Variants in DEPDC5 observed in about 807,000 individuals in gnomAD.
DEPDC5 encodes GATOR1 complex protein DEPDC5.
In DEPDC5, 73 loss-of-function variants were observed where a neutral mutation model predicts 217.3. The observed-to-expected ratio is 0.34, with a 90% CI of 0.28 to 0.41. DEPDC5 has a LOEUF of 0.41. DEPDC5 is among the 10% of genes least tolerant of loss of function. The pLI, the probability that DEPDC5 is intolerant of heterozygous loss-of-function variation, is 1.00. For missense variants in DEPDC5, 1,675 were observed against 2,070.1 expected, an observed-to-expected ratio of 0.81 and a Z score of 3.70; for synonymous variants, 733 against 756.7, an observed-to-expected ratio of 0.97 and a Z score of 0.51.
In DEPDC5 at chr22:31,864,501, A is replaced by AATAT. The variant is rs34148134; in HGVS notation, c.3330+3089_3330+3092dup. On this transcript the variant is annotated intron_variant, in intron 33 of 42. Transcript: ENST00000651528. ...CCTTCTGAACCTGTTTCTTCATTAA[A>AATAT]ATATATATATATATATATATATATT... 4.5e-3 allele frequency among the ~76,000 whole-genome samples: 550 copies of AATAT among 123,132 alleles called. 15 individuals are homozygous for AATAT. The highest frequency in any genetic ancestry group is 0.013 in the East Asian group (61 of 4,526). 80.8% of individuals were successfully genotyped at this position (123,132 alleles called of 152,430 possible).
chr22:31,870,583 C>T lies in DEPDC5; in HGVS notation c.3331-7C>T, dbSNP rs770831099. On this transcript the variant is annotated splice_polypyrimidine_tract_variant and splice_region_variant and intron_variant, in intron 33 of 42. Transcript: ENST00000651528. ...GAATCAAGTATTCATTTTTAAATCT[C>T]CTGCAGGTATCTGTGGACCAAACAG... 2.0e-6 allele frequency: 3 copies of T among 1,510,738 alleles called. No homozygotes were observed. Among genetic ancestry groups the T allele is most frequent in the African/African-American group, 2.8e-5 (2 of 70,634 alleles). The allele number at this position is 1,510,738 out of a possible 1,614,324, so 93.6% of individuals were successfully genotyped here. A position where few individuals can be genotyped will look rare whatever the true frequency, so the allele number is the denominator to read the frequency against.
rs1279857841 is a variant in DEPDC5, at chr22:31,850,484, T to C, written c.3155+3517T>C. ...ATAATCTATTACTGTGCCTAATTTATAAATGAAACTTTAGCATAAGTATGT... is the reference window on the plus strand; with the variant it reads ...ATAATCTATTACTGTGCCTAATTTACAAATGAAACTTTAGCATAAGTATGT... On this transcript the variant is annotated intron_variant, in intron 31 of 42. Transcript: ENST00000651528. Among the ~76,000 whole-genome samples, 3 of 152,338 alleles carry C rather than the reference T, an allele frequency of 2.0e-5. No individual in the cohort carries two copies. In the East Asian group the frequency reaches 5.8e-4, roughly 29 times the overall value.
chr22:31,840,324 G>A (rs1023895886), intron 27 of DEPDC5, among the ~76,000 whole-genome samples: 10 of 152,220 alleles, frequency 6.6e-5, no homozygotes, highest in Non-Finnish European at 1.3e-4. Context: ...GCAGAGGCCA[G>A]TTTGTGCAAA....
At chr22:31,829,447 G>A (rs1286807158) in intron 24 of DEPDC5, among the ~76,000 whole-genome samples, 3 of 152,026 alleles carry the variant, frequency 2.0e-5, no homozygotes, top group African/African-American at 4.8e-5. Flanking sequence ...CAGGAGAATC[G>A]CTTGAACCCG....
At chr22:31,846,811 T>C in intron 30 of DEPDC5, 23 bp from the exon 31 acceptor site, 1 of 1,614,142 alleles carries the variant, frequency 6.2e-7, no homozygotes. Flanking sequence ...GCTGATGGCC[T>C]TGTCTCCTCT....
intron 35 of DEPDC5, 109 bp downstream of exon 35, chr22:31,873,441 A>G (rs2092905402): frequency 8.4e-7 from 1 of 1,193,200 alleles, no homozygotes; most frequent in Admixed American, 2.4e-5. Context: ...ACTTCTCACC[A>G]GTTTTGAGAG....
intron 40 of DEPDC5, among the ~76,000 whole-genome samples, chr22:31,900,448 G>A (rs1472483304): frequency 6.6e-6 from 1 of 152,156 alleles, no homozygotes; most frequent in Non-Finnish European, 1.5e-5. Context: ...ATACAAAAAA[G>A]TGGGGGTGGG....
chr22:31,761,592 G>A (rs2082391045), intron 4 of DEPDC5, among the ~76,000 whole-genome samples: 1 of 147,630 alleles, frequency 6.8e-6, no homozygotes, highest in Non-Finnish European at 1.5e-5. Context: ...GGTCCCAAGA[G>A]TTTGAGGTTT....
rs755132557 is a variant in DEPDC5, at chr22:31,766,595, T to C, written c.290T>C (p.Leu97Pro). 1 of 1,613,918 alleles carries C rather than the reference T, an allele frequency of 6.2e-7. No individual in the cohort carries two copies. Among genetic ancestry groups the C allele is most frequent in the South Asian group, 1.1e-5 (1 of 91,032 alleles). Residue 97 changes from leucine (L) to proline (P), a missense_variant, in exon 6 of 43, where the codon CTT becomes CCT. By Grantham distance (98) the Leu-to-Pro change is moderately conservative (BLOSUM62 -3). Coordinates refer to ENST00000651528, the MANE Select transcript of DEPDC5 (RefSeq NM_001242896.3). ...VNVVDPKDVT[L>P]DLVELTFKDQ... ...GATTATTCCTTTTAGGATGTGACCC[T>C]TGACCTAGTGGAATTAACTTTTAAG...
At chr22:31,788,155 C>T (rs1311062750) in intron 10 of DEPDC5, among the ~76,000 whole-genome samples, 1 of 150,996 alleles carries the variant, frequency 6.6e-6, no homozygotes, top group Non-Finnish European at 1.5e-5. Context: ...AAAGAATATA[C>T]ATGAATGTCC....
In DEPDC5 at chr22:31,806,020, G is replaced by A. The variant is rs1297239343; in HGVS notation, c.1218-102G>A. The A allele has an allele frequency of 1.3e-5, 12 of 923,682 alleles. 1 individual carries two copies. The South Asian group carries it at 1.7e-4, about 13-fold the overall frequency. 57.2% of individuals were successfully genotyped at this position (923,682 alleles called of 1,614,324 possible). Reference sequence around the variant, plus strand: ...GAAGATTAGTGAAGCTGAGAACAAAGCCCATGTCAGGAGGGCTGATCCATG... The same window carrying A: ...GAAGATTAGTGAAGCTGAGAACAAAACCCATGTCAGGAGGGCTGATCCATG... On this transcript the variant is annotated intron_variant, in intron 17 of 42. Transcript: ENST00000651528.
At chr22:31,860,904 G>C (rs2092484648) in intron 32 of DEPDC5, among the ~76,000 whole-genome samples, 1 of 152,182 alleles carries the variant, frequency 6.6e-6, no homozygotes, top group Non-Finnish European at 1.5e-5. Flanking sequence ...AGGCCAGGAT[G>C]TTGCCACCAA....
intron 38 of DEPDC5, among the ~76,000 whole-genome samples, chr22:31,886,742 T>A: frequency 1.3e-5 from 1 of 76,206 alleles, no homozygotes; most frequent in South Asian, 3.9e-4. Flanking sequence ...CCTGAAAAAA[T>A]ACGTCTCCAT....
intron 4 of DEPDC5, among the ~76,000 whole-genome samples, chr22:31,763,844 G>GT (rs770637307): frequency 1.7e-4 from 26 of 151,780 alleles, no homozygotes; most frequent in Non-Finnish European, 2.9e-4. Context: ...GCAAGGAGCA[G>GT]TAAAAAAAAA....
intron 37 of DEPDC5, among the ~76,000 whole-genome samples, chr22:31,877,369 A>ATG (rs1194327141): frequency 8.5e-5 from 11 of 129,444 alleles, no homozygotes; most frequent in Admixed American, 2.7e-4. Flanking sequence ...CCCAGGAGGC[A>ATG]GAGGTTGCAG....
intron 15 of DEPDC5, 106 bp downstream of exon 15, chr22:31,802,944 T>C (rs2087041064): frequency 7.4e-7 from 1 of 1,355,578 alleles, no homozygotes; most frequent in Non-Finnish European, 9.7e-7. Context: ...CTCTACATAG[T>C]GTTCTGTGTG....
rs750163692 is a variant in DEPDC5, at chr22:31,821,543, C to G, written c.1912C>G (p.Gln638Glu). ...CATCCAGATCCACCACCAGACCCGA[C>G]AGAATATGGCGGAGCTACAAGGCAG... is the stretch of plus-strand genomic sequence containing the variant. Reference protein sequence around the residue: ...EAIQIHHQTRQNMAELQGSGQ... With the variant: ...EAIQIHHQTRENMAELQGSGQ... Residue 638 changes from glutamine (Q) to glutamate (E), a missense_variant, in exon 23 of 43, where the codon CAG (glutamine) becomes GAG (glutamate). Gln to Glu is a conservative substitution (Grantham distance 29). This residue lies in a region of DEPDC5 where 136 missense variants were observed against 132.2 expected (regional missense o/e 1.03). Transcript: ENST00000651528. 1 of 1,614,194 alleles carries G rather than the reference C, an allele frequency of 6.2e-7. No homozygotes were observed. Among genetic ancestry groups the G allele is most frequent in the South Asian group, 1.1e-5 (1 of 91,080 alleles).
chr22:31,821,747 A>G, intron 23 of DEPDC5, 110 bp downstream of exon 23: 1 of 1,488,060 alleles, frequency 6.7e-7, no homozygotes, highest in Non-Finnish European at 9.1e-7. Context: ...ACTTGAAAAG[A>G]CAGTATGAGG....
intron 24 of DEPDC5, 109 bp downstream of exon 24, chr22:31,822,899 G>C: frequency 8.6e-7 from 1 of 1,156,874 alleles, no homozygotes; most frequent in Non-Finnish European, 1.3e-6. Context: ...GATCATTTCA[G>C]CCACACTTTT....
Sources: allele counts gnomAD v4.1 joint callset (sites outside exome capture counted in the v4.1 genomes callset), GRCh38; gene constraint gnomAD v4.1.1; regional missense constraint gnomAD v4.1.1; transcripts MANE v1.5; gene names NCBI Gene and HGNC (gene_info 2026-07-23, HGNC 2026-07-21).